Variants in MEGF8 observed in about 807,000 individuals in gnomAD.
MEGF8 encodes multiple EGF like domains 8.
MEGF8 carries 156 observed loss-of-function variants against 302.9 expected under a neutral mutation model. That is an observed-to-expected ratio of 0.52 (90% CI 0.45 to 0.59). MEGF8 has a LOEUF of 0.59. Among genes scored for constraint, MEGF8 ranks in the 20% least tolerant of loss-of-function variants. MEGF8 has a pLI of 0.00. For missense variants in MEGF8, 3,345 were observed against 3,964.5 expected (o/e 0.84, Z 4.20); for synonymous variants, 1,621 against 1,660.5 (o/e 0.98, Z 0.58).
Position 42,354,058 on chromosome 19 carries a change from G to C in MEGF8, c.4011+34G>C. ...TGAGGAAACGAGGGTTCAGGCGCAT[G>C]AGCCAGAACCGTGTCCCCTGACCCA... On this transcript the variant is annotated intron_variant, in intron 22 of 41. Coordinates refer to ENST00000251268, the MANE Select transcript of MEGF8 (RefSeq NM_001271938.2). The surrounding 1 kb of genome is among the most constrained non-coding windows in gnomAD (Gnocchi z 4.3). 1 of 1,567,852 alleles carries C rather than the reference G, an allele frequency of 6.4e-7. No homozygotes were observed. Among genetic ancestry groups the C allele is most frequent in the Non-Finnish European group, 8.6e-7 (1 of 1,157,996 alleles).
chr19:42,350,039 A>C (rs2039345768), intron 14 of MEGF8, 109 bp from the exon 15 acceptor site: 5 of 844,482 alleles, frequency 5.9e-6, no homozygotes, highest in Non-Finnish European at 9.4e-6. Flanking sequence ...CTGACTTCCT[A>C]TGTGCCTGAG....
At chr19:42,340,012 C>T (rs2039189612) in intron 8 of MEGF8, among the ~76,000 whole-genome samples, 1 of 152,006 alleles carries the variant, frequency 6.6e-6, no homozygotes, top group Non-Finnish European at 1.5e-5. Context: ...GAGCTGAGTT[C>T]GCACCACTGC....
chr19:42,376,066 G>T lies in MEGF8; in HGVS notation c.7829G>T (p.Ser2610Ile). Residue 2610 changes from serine (S) to isoleucine (I), a missense_variant, in exon 42 of 42, where the codon AGC becomes ATC. Coordinates refer to ENST00000251268, the MANE Select transcript of MEGF8 (RefSeq NM_001271938.2). This position sits in a 1 kb window ranked among gnomAD's most constrained non-coding sequence, Gnocchi z 8.2. ...YPHEHHALKSSRFYLLLLGVG... is the reference protein window; with the variant it reads ...YPHEHHALKSIRFYLLLLGVG... ...CACGAGCACCATGCCCTCAAGTCGA[G>T]CCGCTTCTACCTGCTGCTGCTGGGC... 6.2e-7 allele frequency: 1 copy of T among 1,605,080 alleles called. No homozygotes were observed.
At chr19:42,334,930 G>A (rs1203184599) in intron 3 of MEGF8, 105 bp from the exon 4 acceptor site, 1 of 1,097,714 alleles carries the variant, frequency 9.1e-7, no homozygotes, top group East Asian at 2.6e-5. Flanking sequence ...CTCCCTTTGT[G>A]CCCTGTCTGT....
chr19:42,347,427 C>G (rs978768300), intron 12 of MEGF8, among the ~76,000 whole-genome samples: 1 of 151,170 alleles, frequency 6.6e-6, no homozygotes, highest in Non-Finnish European at 1.5e-5. Context: ...AAGTGATCTT[C>G]CCACCTTAGC....
intron 33 of MEGF8, 25 bp from the exon 34 acceptor site, chr19:42,362,359 C>G (rs758131537): frequency 1.9e-6 from 3 of 1,613,544 alleles, no homozygotes; most frequent in African/African-American, 2.7e-5. Flanking sequence ...CTGAGGGTCC[C>G]ATCTAGCCTG....
chr19:42,365,974 C>T (rs190986934), intron 35 of MEGF8, among the ~76,000 whole-genome samples: 156 of 149,608 alleles, frequency 1.0e-3, no homozygotes, highest in Admixed American at 1.7e-3. Flanking sequence ...CCCAGCTACT[C>T]GGGAGGCTGA....
chr19:42,356,768 C>T lies in MEGF8; in HGVS notation c.4623-6C>T. On this transcript the variant is annotated splice_polypyrimidine_tract_variant and splice_region_variant and intron_variant, in intron 26 of 41. Transcript: ENST00000251268. This position sits in a 1 kb window ranked among gnomAD's most constrained non-coding sequence, Gnocchi z 5.2. The stretch of plus-strand genomic sequence containing the variant: ...ATGAGGCTGCTTTTTTGCACCCTGG[C>T]CCCAGGTACTCAGTGAGTGAGCGGC... 6.5e-7 allele frequency: 1 copy of T among 1,542,888 alleles called. No individual in the cohort carries two copies. The highest frequency in any genetic ancestry group is 8.8e-7 in the Non-Finnish European group (1 of 1,142,028).
rs1354670294 is a variant in MEGF8 at position 42,351,478 on chromosome 19, T to G, written c.2905T>G (p.Cys969Gly). ...GGCCAACTCTAGCCAGTGCGCCTGG[T>G]GCCAGTCCACCCACACCTGCTTCCT... ...CLANSSQCAWCQSTHTCFLFA... is the reference protein window; with the variant it reads ...CLANSSQCAWGQSTHTCFLFA... The change falls in exon 17 of 42, where the codon TGC becomes GGC. Residue 969 changes from cysteine (C) to glycine (G), a missense_variant. Coordinates refer to ENST00000251268, the MANE Select transcript of MEGF8 (RefSeq NM_001271938.2). This position sits in a 1 kb window ranked among gnomAD's most constrained non-coding sequence, Gnocchi z 5.6. The G allele has an allele frequency of 5.6e-6, 9 of 1,603,536 alleles. No homozygotes were observed. Among genetic ancestry groups the G allele is most frequent in the Non-Finnish European group, 7.7e-6 (9 of 1,175,578 alleles).
rs2039475171 is a variant in MEGF8, at chr19:42,357,866, C to T, written c.5012-278C>T. 6.6e-6 allele frequency among the ~76,000 whole-genome samples: 1 copy of T among 152,206 alleles called. No homozygotes were observed. The highest frequency in any genetic ancestry group is 1.5e-5 in the Non-Finnish European group (1 of 68,026). On this transcript the variant is annotated intron_variant, in intron 28 of 41. Transcript: ENST00000251268. The surrounding 1 kb of genome is among the most constrained non-coding windows in gnomAD (Gnocchi z 5.2). ...AAGGGTTCTTCCTCGATCACACCTC[C>T]TTTCTTTGATCACTGTCCCCTAGAC...
Position 42,327,703 on chromosome 19 carries a change from C to T in MEGF8, c.187+1273C>T, listed in dbSNP as rs539246723. Among the ~76,000 whole-genome samples, 310 of 152,254 alleles carry T rather than the reference C, an allele frequency of 2.0e-3. 1 individual carries two copies. The highest frequency in any genetic ancestry group is 3.1e-3 in the Non-Finnish European group (209 of 68,016). On this transcript the variant is annotated intron_variant, in intron 1 of 41. Coordinates refer to ENST00000251268, the MANE Select transcript of MEGF8 (RefSeq NM_001271938.2). Reference sequence around the variant, plus strand: ...ATAGCTGAGATCAGAGGCATCTGTACGAGGGAGCAGAAGGGCATTCCAGGC... The same window carrying T: ...ATAGCTGAGATCAGAGGCATCTGTATGAGGGAGCAGAAGGGCATTCCAGGC...
At position 42,376,657 on chromosome 19, in the gene MEGF8, G is replaced by A. The variant is rs546648359; in HGVS notation, c.8420G>A (p.Arg2807Gln). ...ACLGSALVTL[R>Q]HRLHEYCGGG... ...CTGGGGTCAGCCCTCGTCACACTGC[G>A]GCACAGGCTGCACGAGTACTGTGGG... Residue 2807 changes from arginine to glutamine, a missense_variant, in exon 42 of 42, where the codon CGG becomes CAG. Physicochemically the swap from Arg to Gln is conservative, Grantham distance 43. Coordinates refer to ENST00000251268, the MANE Select transcript of MEGF8 (RefSeq NM_001271938.2). This position sits in a 1 kb window ranked among gnomAD's most constrained non-coding sequence, Gnocchi z 8.2. 147 of 1,537,246 alleles carry A rather than the reference G, an allele frequency of 9.6e-5. No individual in the cohort carries two copies. In the South Asian group the frequency reaches 1.3e-3, roughly 13 times the overall value.
Position 42,350,263 on chromosome 19 carries a change from G to T in MEGF8, c.2615G>T (p.Cys872Phe). 6.2e-7 allele frequency: 1 copy of T among 1,611,724 alleles called. No individual in the cohort carries two copies. The highest frequency in any genetic ancestry group is 8.5e-7 in the Non-Finnish European group (1 of 1,179,850). The change falls in exon 15 of 42, where the codon TGC becomes TTC. Residue 872 changes from cysteine to phenylalanine, a missense_variant. Cys to Phe is a radical substitution (Grantham distance 205). Coordinates refer to ENST00000251268, the MANE Select transcript of MEGF8 (RefSeq NM_001271938.2). ...GCGWCLTSATCHLRQGGAHCG... is the reference protein window; with the variant it reads ...GCGWCLTSATFHLRQGGAHCG... ...GGCTGGTGCCTGACCAGTGCCACCT[G>T]CCACCTGCGCCAGGGCGGAGCCCAT...
chr19:42,333,926 G>A (rs2039087860), intron 2 of MEGF8, 81 bp from the exon 3 acceptor site: 1 of 1,522,060 alleles, frequency 6.6e-7, no homozygotes, highest in Non-Finnish European at 8.9e-7. Flanking sequence ...CCCCCAGGGT[G>A]GAAGGGGGCA....
chr19:42,363,720 GAAAC>G (rs2039565686), intron 35 of MEGF8, among the ~76,000 whole-genome samples: 1 of 152,016 alleles, frequency 6.6e-6, no homozygotes, highest in African/African-American at 2.4e-5. Flanking sequence ...TTGGTTATAA[GAAAC>G]AGACACTCCC....
intron 12 of MEGF8, among the ~76,000 whole-genome samples, chr19:42,347,629 A>G (rs1184524777): frequency 6.6e-6 from 1 of 151,988 alleles, no homozygotes; most frequent in African/African-American, 2.4e-5. Flanking sequence ...AGTAGCTGGG[A>G]TTACAAGTGC....
Position 42,354,085 on chromosome 19 carries a change from C to G in MEGF8, c.4011+61C>G, listed in dbSNP as rs1034618830. ...GCCAGAACCGTGTCCCCTGACCCAG[C>G]CTGCATCCTCAGACCCTGACCCTAG... On this transcript the variant is annotated intron_variant, in intron 22 of 41. Coordinates refer to ENST00000251268, the MANE Select transcript of MEGF8 (RefSeq NM_001271938.2). The surrounding 1 kb of genome is among the most constrained non-coding windows in gnomAD (Gnocchi z 4.3). 5.9e-6 allele frequency: 9 copies of G among 1,521,920 alleles called. No individual in the cohort carries two copies. Among genetic ancestry groups the G allele is most frequent in the South Asian group, 4.8e-5 (4 of 83,020 alleles). 94.3% of individuals were successfully genotyped at this position (1,521,920 alleles called of 1,614,324 possible). A position where few individuals can be genotyped will look rare whatever the true frequency, so the allele number is the denominator to read the frequency against.
At position 42,358,089 on chromosome 19, in the gene MEGF8, G is replaced by T. The variant is rs905037467; in HGVS notation, c.5012-55G>T. ...CCGAACAGGGGACCGGGAGGTCGGC[G>T]GGGTCAGTGCTGTTGTCAGCCCCTC... On this transcript the variant is annotated intron_variant, in intron 28 of 41. Coordinates refer to ENST00000251268, the MANE Select transcript of MEGF8 (RefSeq NM_001271938.2). This position sits in a 1 kb window ranked among gnomAD's most constrained non-coding sequence, Gnocchi z 4.4. The T allele has an allele frequency of 1.4e-5, 20 of 1,429,364 alleles. No homozygotes were observed. The highest frequency in any genetic ancestry group is 1.8e-5 in the Non-Finnish European group (20 of 1,090,220). 88.5% of individuals were successfully genotyped at this position (1,429,364 alleles called of 1,614,324 possible).
At position 42,359,359 on chromosome 19, in the gene MEGF8, C is replaced by T. The variant is rs533283080; in HGVS notation, c.5488+117C>T. 22 of 914,160 alleles carry T rather than the reference C, an allele frequency of 2.4e-5. No homozygotes were observed. The South Asian group carries it at 4.0e-4, about 16-fold the overall frequency. The allele number at this position is 914,160 out of a possible 1,614,324, so 56.6% of individuals were successfully genotyped here. ...GGCCCCTGCAGACCCACTGGCAGAG[C>T]TCCCGCTCTTCTGGATTATCTGAAC... On this transcript the variant is annotated intron_variant, in intron 31 of 41. Coordinates refer to ENST00000251268, the MANE Select transcript of MEGF8 (RefSeq NM_001271938.2).
Sources: gnomAD v4.1 joint callset for allele counts (sites outside exome capture counted in the v4.1 genomes callset) on GRCh38, gnomAD v4.1.1 for gene constraint, Gnocchi (gnomAD v3.1) non-coding constraint, MANE v1.5 for transcripts, NCBI Gene and HGNC (gene_info 2026-07-23, HGNC 2026-07-21) for gene names.